EIF2D: variants seen among roughly 807,000 people sequenced by gnomAD.
EIF2D encodes the protein eukaryotic translation initiation factor 2D, also known as hepatocellular carcinoma-associated antigen 56.
A neutral mutation model predicts 77.4 loss-of-function variants in EIF2D; 56 were observed. The observed-to-expected ratio is 0.72, with a 90% confidence interval of 0.58 to 0.90. EIF2D has a LOEUF of 0.90. EIF2D is among the 40% of genes least tolerant of loss of function. The pLI, the probability that EIF2D is intolerant of heterozygous loss-of-function variation, is 0.00. For synonymous variants in EIF2D, 230 were observed against 271.0 expected (o/e 0.85, Z 1.49); for missense variants, 574 against 706.5 (o/e 0.81, Z 2.13).
At chr1:206,585,307 C>T (rs1553407387) in intron 2 of EIF2D, 15 of 1,607,158 alleles carry the variant, frequency 9.3e-6, no homozygotes, top group Non-Finnish European at 1.3e-5. Context: ...TAGGTCTGGA[C>T]CCATTGTGCA....
At chr1:206,596,832 T>C (rs1390896960) in intron 12 of EIF2D, among the ~76,000 whole-genome samples, 1 of 152,128 alleles carries the variant, frequency 6.6e-6, no homozygotes, top group Non-Finnish European at 1.5e-5. Flanking sequence ...ACTACAGGCA[T>C]GCACCACTAT....
chr1:206,584,705 A>C lies in EIF2D; in HGVS notation c.139-3543T>G. Reference sequence around the variant, plus strand: ...ACAAGGTAGGAGAAAGAGTGAACCCAACCAGACCGTTCCCTTCCTACCTGT... The same window carrying C: ...ACAAGGTAGGAGAAAGAGTGAACCCCACCAGACCGTTCCCTTCCTACCTGT... On this transcript the variant is annotated intron_variant and NMD_transcript_variant, in intron 2 of 5. Coordinates refer to the EIF2D transcript ENST00000472709. The surrounding 1 kb of genome is among the most constrained non-coding windows in gnomAD (Gnocchi z 4.9). 1.2e-6 allele frequency: 2 copies of C among 1,613,834 alleles called. No homozygotes were observed. Among genetic ancestry groups the C allele is most frequent in the South Asian group, 2.2e-5 (2 of 91,062 alleles).
chr1:206,591,419 T>C (rs1224546622), downstream of EIF2D, among the ~76,000 whole-genome samples: 1 of 152,190 alleles, frequency 6.6e-6, no homozygotes, highest in Non-Finnish European at 1.5e-5. Flanking sequence ...GGAAGTTAAT[T>C]AGGCAGTAGG....
intron 7 of EIF2D, chr1:206,602,130 A>G: frequency 3.8e-6 from 2 of 520,640 alleles, no homozygotes; most frequent in Non-Finnish European, 6.8e-6. Flanking sequence ...GCTAAAATTT[A>G]AGATTTTGTT....
Position 206,599,125 on chromosome 1 carries a change from C to G in EIF2D, c.1203-33G>C, listed in dbSNP as rs782221840. 1.9e-6 allele frequency: 3 copies of G among 1,601,782 alleles called. No homozygotes were observed. Among genetic ancestry groups the G allele is most frequent in the East Asian group, 2.2e-5 (1 of 44,832 alleles). The stretch of plus-strand genomic sequence containing the variant: ...AGGAGAAGTGACCCAGGGGTTAGTT[C>G]ATGCTGTGCCATGAGACAAAAATGC... On this transcript the variant is annotated intron_variant, in intron 10 of 14. Coordinates refer to ENST00000271764, the MANE Select transcript of EIF2D (RefSeq NM_006893.3). This position sits in a 1 kb window ranked among gnomAD's most constrained non-coding sequence, Gnocchi z 4.1.
chr1:206,603,467 T>C (rs1217381975), intron 5 of EIF2D: 1 of 415,788 alleles, frequency 2.4e-6, no homozygotes, highest in Non-Finnish European at 4.3e-6. Flanking sequence ...ATACTATTAA[T>C]AGACATCCCA....
At chr1:206,597,774 G>A (rs377560200) in intron 11 of EIF2D, among the ~76,000 whole-genome samples, 6 of 152,140 alleles carry the variant, frequency 3.9e-5, no homozygotes, top group African/African-American at 1.4e-4. Context: ...GTGAAACCCC[G>A]TCTCTACTAA....
downstream of EIF2D, among the ~76,000 whole-genome samples, chr1:206,570,511 A>G (rs1668416569): frequency 6.6e-6 from 1 of 151,972 alleles, no homozygotes; most frequent in African/African-American, 2.4e-5. Context: ...GAAACTCCTT[A>G]CCAATTAAAC....
At chr1:206,588,119 C>T (rs529044713), downstream of EIF2D, 7 of 152,928 alleles carry the variant, frequency 4.6e-5, no homozygotes, top group South Asian at 2.1e-4. Flanking sequence ...GCCTCCCCGT[C>T]GACCTCAGTG....
chr1:206,574,400 G>A (rs1221789013), intron 4 of EIF2D, among the ~76,000 whole-genome samples: 3 of 152,182 alleles, frequency 2.0e-5, no homozygotes, highest in Non-Finnish European at 2.9e-5. Flanking sequence ...TGCCTTTCAC[G>A]ATCCTCACCC....
intron 2 of EIF2D, chr1:206,585,193 ACT>A: frequency 6.2e-7 from 1 of 1,611,364 alleles, no homozygotes. Context: ...TCTTCCAGAA[ACT>A]CTCCATTGCT....
At chr1:206,583,141 A>C (rs1668960310) in intron 2 of EIF2D, 2 of 659,490 alleles carry the variant, frequency 3.0e-6, no homozygotes. Flanking sequence ...GAGTCCGTGC[A>C]GTTAGTTCCA....
intron 2 of EIF2D, 116 bp from the exon 3 acceptor site, chr1:206,609,575 A>G: frequency 1.2e-6 from 1 of 813,952 alleles, no homozygotes; most frequent in South Asian, 2.0e-5. Context: ...ACTCAACTCA[A>G]AGCTAAAGAG....
At chr1:206,570,762 A>T (rs1668425818), downstream of EIF2D, among the ~76,000 whole-genome samples, 1 of 152,170 alleles carries the variant, frequency 6.6e-6, no homozygotes, top group Non-Finnish European at 1.5e-5. Context: ...ATGAGATTCC[A>T]TTGTATGGAC....
downstream of EIF2D, chr1:206,587,884 G>A (rs1669184117): frequency 6.5e-6 from 1 of 152,876 alleles, no homozygotes. Context: ...GCTGTCTTCA[G>A]CCTTCCCCAG....
chr1:206,611,372 C>T lies in EIF2D; in HGVS notation c.59G>A (p.Arg20Lys). The change falls in exon 2 of 15, where the codon AGA (arginine) becomes AAA (lysine). Residue 20 changes from arginine to lysine, a missense_variant and splice_region_variant. Coordinates refer to ENST00000271764, the MANE Select transcript of EIF2D (RefSeq NM_006893.3). Reference protein sequence around the residue: ...SNTAIKGSDRRKLRADVTTAF... With the variant: ...SNTAIKGSDRKKLRADVTTAF... ...AGTTGTCACATCAGCTCGAAGCTTTCTCCTGTGGAAAGCACACCAGCACTG... is the reference window on the plus strand; with the variant it reads ...AGTTGTCACATCAGCTCGAAGCTTTTTCCTGTGGAAAGCACACCAGCACTG... The T allele has an allele frequency of 6.2e-7, 1 of 1,613,014 alleles. No individual in the cohort carries two copies. The highest frequency in any genetic ancestry group is 8.5e-7 in the Non-Finnish European group (1 of 1,179,202).
intron 4 of EIF2D, among the ~76,000 whole-genome samples, chr1:206,573,246 A>AT (rs782505415): frequency 3.3e-5 from 5 of 152,198 alleles, no homozygotes; most frequent in Non-Finnish European, 7.4e-5. Flanking sequence ...GGACTGCTTG[A>AT]TTTTTTACCT....
Position 206,605,506 on chromosome 1 carries a change from C to A in EIF2D, c.424G>T (p.Ala142Ser), listed in dbSNP as rs1553412494. The change falls in exon 5 of 15, where the codon GCC (alanine) becomes TCC (serine). Residue 142 changes from alanine (A) to serine (S), a missense_variant and splice_region_variant. Coordinates refer to ENST00000271764, the MANE Select transcript of EIF2D (RefSeq NM_006893.3). ...GCTGCAACTCCAATGGCTACAGGGG[C>A]TCTAAGAAGAAGGAAGCCAGAGACC... ...LCAISLVGNR[A>S]PVAIGVAAMS... The A allele has an allele frequency of 1.2e-5, 19 of 1,613,624 alleles. No homozygotes were observed. Among genetic ancestry groups the A allele is most frequent in the Non-Finnish European group, 1.6e-5 (19 of 1,179,708 alleles).
chr1:206,588,619 G>A (rs1363647109), downstream of EIF2D: 1 of 152,418 alleles, frequency 6.6e-6, no homozygotes, highest in Non-Finnish European at 1.5e-5. Flanking sequence ...CCCAGGCTGA[G>A]TCCATACTGC....
Sources: gnomAD v4.1 joint callset for allele counts (sites outside exome capture counted in the v4.1 genomes callset) on GRCh38, gnomAD v4.1.1 for gene constraint, Gnocchi (gnomAD v3.1) non-coding constraint, MANE v1.5 for transcripts, NCBI Gene and HGNC (gene_info 2026-07-23, HGNC 2026-07-21) for gene names.